Variants in ADCY3 observed in about 807,000 individuals in gnomAD.
ADCY3 encodes the protein adenylate cyclase type 3.
In ADCY3, 70 loss-of-function variants were observed where a neutral mutation model predicts 119.4. That is an observed-to-expected ratio of 0.59 (90% confidence interval 0.48 to 0.72). ADCY3 has a LOEUF of 0.72. ADCY3 is among the 30% of genes least tolerant of loss of function. The probability of loss-of-function intolerance (pLI) is 0.00; values close to 1 mark genes in which losing one functional copy is unlikely to be tolerated. For synonymous variants in ADCY3, 672 were observed against 621.4 expected, an observed-to-expected ratio of 1.08 and a Z score of -1.21; for missense variants, 1,238 against 1,541.6, an observed-to-expected ratio of 0.80 and a Z score of 3.30.
At chr2:24,896,542 A>T (rs1678310117) in intron 2 of ADCY3, among the ~76,000 whole-genome samples, 2 of 151,740 alleles carry the variant, frequency 1.3e-5, no homozygotes. Flanking sequence ...TCACACTGCA[A>T]ACGTTACCAT....
chr2:24,820,242 A>G (rs1667374015), intron 21 of ADCY3, 128 bp from the exon 22 acceptor site: 6 of 1,210,420 alleles, frequency 5.0e-6, no homozygotes, highest in Admixed American at 6.7e-5. Context: ...ACACTCCCCA[A>G]ACCTCCCAGG....
intron 2 of ADCY3, among the ~76,000 whole-genome samples, chr2:24,875,988 G>GT (rs1009935647): frequency 5.3e-5 from 8 of 150,890 alleles, no homozygotes; most frequent in African/African-American, 1.5e-4. Flanking sequence ...CTTCTTTTTG[G>GT]GAGGGGGGCG....
chr2:24,909,668 G>C (rs777566186), intron 2 of ADCY3, among the ~76,000 whole-genome samples: 6 of 152,132 alleles, frequency 3.9e-5, no homozygotes, highest in Non-Finnish European at 5.9e-5. Context: ...TGGGCTCTGG[G>C]CCACATTTCT....
chr2:24,893,923 T>C (rs1438620206), intron 2 of ADCY3, among the ~76,000 whole-genome samples: 1 of 152,232 alleles, frequency 6.6e-6, no homozygotes, highest in African/African-American at 2.4e-5. Context: ...ACTGAATATT[T>C]ATATCACTTA....
intron 2 of ADCY3, among the ~76,000 whole-genome samples, chr2:24,890,693 TC>T (rs1677554262): frequency 6.6e-6 from 1 of 152,136 alleles, no homozygotes; most frequent in Non-Finnish European, 1.5e-5. Context: ...ATTTTCCCAA[TC>T]ATCTAGCTAG....
chr2:24,825,837 C>T (rs754135435), intron 16 of ADCY3: 74 of 582,820 alleles, frequency 1.3e-4, no homozygotes, highest in Middle Eastern at 4.5e-4. Flanking sequence ...TGGAGGGGGT[C>T]GGACGGAAGA....
chr2:24,837,916 G>C (rs749071624), intron 8 of ADCY3, among the ~76,000 whole-genome samples: 3 of 152,120 alleles, frequency 2.0e-5, no homozygotes, highest in African/African-American at 2.4e-5. Flanking sequence ...TTTGGCCCGA[G>C]ACAATTCTTC....
chr2:24,828,283 G>T, intron 13 of ADCY3, 122 bp from the exon 14 acceptor site: 1 of 1,150,944 alleles, frequency 8.7e-7, no homozygotes, highest in East Asian at 2.5e-5. Context: ...CAGAAATACC[G>T]GGAAAGATGG....
chr2:24,843,433 A>G (rs1292878067), intron 3 of ADCY3, among the ~76,000 whole-genome samples: 1 of 152,156 alleles, frequency 6.6e-6, no homozygotes, highest in African/African-American at 2.4e-5. Flanking sequence ...GGGTCTTGCC[A>G]TGTTGCCCAA....
At chr2:24,826,977 G>C (rs1054550003) in intron 15 of ADCY3, among the ~76,000 whole-genome samples, 3 of 152,114 alleles carry the variant, frequency 2.0e-5, no homozygotes, top group African/African-American at 4.8e-5. Flanking sequence ...GGTGTAACTG[G>C]CATTTCCTTG....
intron 3 of ADCY3, among the ~76,000 whole-genome samples, chr2:24,867,942 A>G (rs1470538460): frequency 1.3e-5 from 2 of 152,202 alleles, no homozygotes; most frequent in Non-Finnish European, 2.9e-5. Context: ...TCCTTGCATC[A>G]TGACTAAAGA....
At chr2:24,857,421 C>T (rs575546899) in intron 3 of ADCY3, among the ~76,000 whole-genome samples, 4 of 152,386 alleles carry the variant, frequency 2.6e-5, no homozygotes, top group Admixed American at 6.5e-5. Flanking sequence ...TCTAGAACAG[C>T]GCTAATAGAA....
chr2:24,834,396 C>CA lies in ADCY3; in HGVS notation c.1967+88dup. 8.0e-7 allele frequency: 1 copy of CA among 1,257,500 alleles called. No individual in the cohort carries two copies. The highest frequency in any genetic ancestry group is 1.1e-6 in the Non-Finnish European group (1 of 911,618). The allele number at this position is 1,257,500 out of a possible 1,614,324, so 77.9% of individuals were successfully genotyped here. A position where few individuals can be genotyped will look rare whatever the true frequency, so the allele number is the denominator to read the frequency against. On this transcript the variant is annotated intron_variant, in intron 11 of 21. Coordinates refer to ENST00000679454, the MANE Select transcript of ADCY3 (RefSeq NM_004036.5). The surrounding 1 kb of genome is among the most constrained non-coding windows in gnomAD (Gnocchi z 4.2). ...CAGAGACTGGCTTGCTCCCCAATGT[C>CA]AGGCTCCCGCTGAGACACCTGCCCC...
At chr2:24,916,931 G>A (rs901546730) in intron 2 of ADCY3, among the ~76,000 whole-genome samples, 2 of 152,176 alleles carry the variant, frequency 1.3e-5, no homozygotes, top group East Asian at 3.9e-4. Context: ...CTGGGCTCCC[G>A]TCCTGTTTCT....
intron 15 of ADCY3, among the ~76,000 whole-genome samples, chr2:24,827,229 C>T (rs971322925): frequency 6.6e-6 from 1 of 152,192 alleles, no homozygotes; most frequent in Admixed American, 6.5e-5. Flanking sequence ...CTGCCTGTGA[C>T]CCACAGAGAA....
intron 14 of ADCY3, 87 bp downstream of exon 14, chr2:24,827,815 C>T: frequency 1.9e-6 from 3 of 1,580,780 alleles, no homozygotes; most frequent in Non-Finnish European, 2.6e-6. Flanking sequence ...AGAAAGCCAC[C>T]TCAGCACAGG....
intron 16 of ADCY3, among the ~76,000 whole-genome samples, chr2:24,825,354 G>C (rs1668467631): frequency 1.5e-5 from 1 of 64,726 alleles, no homozygotes; most frequent in South Asian, 5.2e-4. Flanking sequence ...GGGGGTGCGG[G>C]GGGGGTGTCT....
intron 2 of ADCY3, among the ~76,000 whole-genome samples, chr2:24,887,668 C>T (rs148377041): frequency 6.6e-6 from 1 of 152,150 alleles, no homozygotes; most frequent in Non-Finnish European, 1.5e-5. Context: ...GGCCAACACT[C>T]GGGGCAGGAA....
intron 3 of ADCY3, among the ~76,000 whole-genome samples, chr2:24,853,044 GTGTGTGTGTGTGTGTGTGTGTGTA>G (rs1385259910): frequency 6.9e-4 from 95 of 136,886 alleles, no homozygotes; most frequent in African/African-American, 2.4e-3. Context: ...GTGTGTGTGT[GTGTGTGTGTGTGTGTGTGTGTGTA>G]GGGGTGTTAT....
Sources: allele counts gnomAD v4.1 joint callset (sites outside exome capture counted in the v4.1 genomes callset), GRCh38; gene constraint gnomAD v4.1.1; non-coding constraint Gnocchi (gnomAD v3.1); transcripts MANE v1.5; gene names NCBI Gene and HGNC (gene_info 2026-07-23, HGNC 2026-07-21).